The following ADGRL2 variants were observed in gnomAD, a reference collection of about 807,000 sequenced individuals.
ADGRL2 encodes the protein adhesion G protein-coupled receptor L2, also known as calcium-independent alpha-latrotoxin receptor 2.
Under a neutral mutation model 157.4 loss-of-function variants are expected in ADGRL2, and 44 were observed. The observed-to-expected ratio is 0.28, with a 90% confidence interval of 0.22 to 0.36. The LOEUF (loss-of-function observed/expected upper bound fraction) is 0.36. ADGRL2 is among the 10% of genes least tolerant of loss of function. ADGRL2 has a pLI of 1.00. For synonymous variants in ADGRL2, 585 were observed against 624.7 expected, an observed-to-expected ratio of 0.94 and a Z score of 0.95; for missense variants, 1,510 against 1,768.9, an observed-to-expected ratio of 0.85 and a Z score of 2.63.
At chr1:81,892,835 G>T (rs1385798566) in intron 2 of ADGRL2, among the ~76,000 whole-genome samples, 2 of 152,084 alleles carry the variant, frequency 1.3e-5, no homozygotes, top group African/African-American at 4.8e-5. Flanking sequence ...AATGTAAATG[G>T]ACCATGGGAA....
intron 2 of ADGRL2, among the ~76,000 whole-genome samples, chr1:81,535,688 A>G (rs1205642575): frequency 2.0e-5 from 3 of 152,230 alleles, no homozygotes; most frequent in African/African-American, 7.2e-5. Flanking sequence ...AGCAACATAT[A>G]AACGCATAGC....
intron 2 of ADGRL2, chr1:81,503,507 C>A (rs933738681): frequency 1.3e-5 from 20 of 1,596,102 alleles, no homozygotes; most frequent in Non-Finnish European, 1.5e-5. Context: ...ACTCTCCAGT[C>A]GAGAGTGAAG....
intron 1 of ADGRL2, among the ~76,000 whole-genome samples, chr1:81,718,105 C>T (rs1006129464): frequency 6.6e-6 from 1 of 152,128 alleles, no homozygotes; most frequent in Admixed American, 6.5e-5. Flanking sequence ...CTCCAACCTC[C>T]GCCTCTCGGG....
At chr1:81,347,423 T>G (rs1212801041) in intron 1 of ADGRL2, among the ~76,000 whole-genome samples, 1 of 151,412 alleles carries the variant, frequency 6.6e-6, no homozygotes, top group Non-Finnish European at 1.5e-5. Flanking sequence ...TCTGGTGAGG[T>G]CTTAGATAGA....
intron 2 of ADGRL2, among the ~76,000 whole-genome samples, chr1:81,474,913 A>G (rs999245904): frequency 6.6e-6 from 1 of 152,198 alleles, no homozygotes; most frequent in Admixed American, 6.6e-5. Context: ...AGTGAGAAAG[A>G]TCATAACTCT....
intron 2 of ADGRL2, among the ~76,000 whole-genome samples, chr1:81,855,602 T>C (rs2093174933): frequency 6.6e-6 from 1 of 152,180 alleles, no homozygotes; most frequent in Non-Finnish European, 1.5e-5. Flanking sequence ...GAAGTTATGA[T>C]ACATTTTCAA....
In ADGRL2 at chr1:81,538,776, G is replaced by A. The variant is rs571574994; in HGVS notation, c.-247-42100G>A. 9.9e-5 allele frequency among the ~76,000 whole-genome samples: 15 copies of A among 152,090 alleles called. No individual in the cohort carries two copies. In the East Asian group the frequency reaches 1.7e-3, roughly 18 times the overall value. ...GCCCAGCACTTTGGGAGGCCAAGGC[G>A]GGCAGATTGCTTGAGCTCAGGAGTT... On this transcript the variant is annotated intron_variant, in intron 2 of 24. Coordinates refer to the ADGRL2 transcript ENST00000370721.
At chr1:81,567,422 T>G (rs142523972) in intron 2 of ADGRL2, among the ~76,000 whole-genome samples, 4 of 152,100 alleles carry the variant, frequency 2.6e-5, no homozygotes, top group Admixed American at 6.6e-5. Flanking sequence ...CCCATTTGTG[T>G]GTCCCTATGT....
rs1183284624 is a variant in ADGRL2, at chr1:81,991,125, C to G, written c.4390C>G (p.Gln1464Glu). ...AGGAGATGTTAGAGAAGGACAAATGCAGCTGGTTACAAGTCTTTAATCATA... is the reference window on the plus strand; with the variant it reads ...AGGAGATGTTAGAGAAGGACAAATGGAGCTGGTTACAAGTCTTTAATCATA... ...PEGDVREGQM[Q>E]LVTSL Residue 1464 changes from glutamine to glutamate, a missense_variant, in exon 24 of 24, where the codon CAG becomes GAG. This residue lies in a region of ADGRL2 where 327 missense variants were observed against 310.1 expected (regional missense o/e 1.05). Coordinates refer to ENST00000686636, the MANE Select transcript of ADGRL2 (RefSeq NM_001366006.2). The G allele has an allele frequency of 3.1e-6, 5 of 1,606,118 alleles. No homozygotes were observed. The highest frequency in any genetic ancestry group is 4.3e-6 in the Non-Finnish European group (5 of 1,174,904).
At chr1:81,330,489 A>G (rs1661198616) in intron 1 of ADGRL2, among the ~76,000 whole-genome samples, 2 of 152,178 alleles carry the variant, frequency 1.3e-5, no homozygotes, top group African/African-American at 4.8e-5. Flanking sequence ...ATCCAAAAAT[A>G]TCTAATGTAT....
rs529877919 is a variant in ADGRL2, at chr1:81,402,519, A to G, written c.-301-42517A>G. 2.6e-5 allele frequency among the ~76,000 whole-genome samples: 4 copies of G among 152,284 alleles called. No homozygotes were observed. The East Asian group carries it at 7.7e-4, about 29-fold the overall frequency. On this transcript the variant is annotated intron_variant, in intron 1 of 24. Transcript: ENST00000370721. ...TTATTCTAACCTATAGGTTCTAACC[A>G]TAGCCAGCTTGTTTTAATAAGATTT...
chr1:81,802,300 G>T (rs2088329902), intron 1 of ADGRL2, among the ~76,000 whole-genome samples: 2 of 152,064 alleles, frequency 1.3e-5, no homozygotes, highest in African/African-American at 4.8e-5. Context: ...TGCGCCTCCA[G>T]TCCGGGGGTG....
intron 2 of ADGRL2, among the ~76,000 whole-genome samples, chr1:81,473,970 C>T (rs912023006): frequency 6.6e-6 from 1 of 152,300 alleles, no homozygotes; most frequent in East Asian, 1.9e-4. Context: ...ATCACTTGGC[C>T]TAGGCCTGTT....
chr1:81,569,881 G>T (rs1056135664), intron 2 of ADGRL2, among the ~76,000 whole-genome samples: 11 of 152,080 alleles, frequency 7.2e-5, no homozygotes, highest in African/African-American at 2.4e-4. Context: ...GCCATCTAAA[G>T]GTTTGACTGG....
rs542421366 is a variant in ADGRL2 at position 81,910,069 on chromosome 1, G to A, written c.287+2839G>A. Among the ~76,000 whole-genome samples, 19 of 151,818 alleles carry A rather than the reference G, an allele frequency of 1.3e-4. No individual in the cohort carries two copies. In the South Asian group the frequency reaches 3.5e-3, roughly 28 times the overall value. ...AGCCTGGCCAACATGGTGAAACCCTGTCTCTACTAAAAATATAAAGATTAG... is the reference window on the plus strand; with the variant it reads ...AGCCTGGCCAACATGGTGAAACCCTATCTCTACTAAAAATATAAAGATTAG... On this transcript the variant is annotated intron_variant, in intron 3 of 23. Coordinates refer to ENST00000686636, the MANE Select transcript of ADGRL2 (RefSeq NM_001366006.2).
At chr1:81,817,785 G>C (rs1372339366) in intron 1 of ADGRL2, among the ~76,000 whole-genome samples, 1 of 152,018 alleles carries the variant, frequency 6.6e-6, no homozygotes, top group Non-Finnish European at 1.5e-5. Context: ...AAGCCAGAAT[G>C]ATTCAATTTT....
chr1:81,461,864 A>G (rs2077935470), intron 2 of ADGRL2, among the ~76,000 whole-genome samples: 2 of 144,874 alleles, frequency 1.4e-5, no homozygotes, highest in Non-Finnish European at 3.0e-5. Flanking sequence ...ACCTGCCAGT[A>G]GGCAAGAATT....
intron 2 of ADGRL2, among the ~76,000 whole-genome samples, chr1:81,548,139 C>A (rs1427851399): frequency 6.6e-6 from 1 of 152,120 alleles, no homozygotes; most frequent in Non-Finnish European, 1.5e-5. Flanking sequence ...ATGTCCCAAT[C>A]CAACTACACA....
intron 2 of ADGRL2, chr1:81,503,533 A>T (rs753969859): frequency 3.8e-5 from 59 of 1,562,830 alleles, no homozygotes; most frequent in Non-Finnish European, 4.6e-5. Flanking sequence ...TGATGCACAG[A>T]ATTTACCTCA....
Sources: allele counts gnomAD v4.1 joint callset (sites outside exome capture counted in the v4.1 genomes callset), GRCh38; gene constraint gnomAD v4.1.1; regional missense constraint gnomAD v4.1.1; transcripts MANE v1.5; gene names NCBI Gene and HGNC (gene_info 2026-07-23, HGNC 2026-07-21).